YPEL1: variants seen among roughly 807,000 people sequenced by gnomAD.
The protein encoded by YPEL1 is protein yippee-like 1.
YPEL1 carries 7 observed loss-of-function variants against 17.3 expected under a neutral mutation model. The ratio of observed to expected loss-of-function variants is 0.40; its 90% CI spans 0.23 to 0.76. The LOEUF is 0.76. Ranked by LOEUF, YPEL1 falls within the 30% of genes least tolerant of loss-of-function variation. The probability of loss-of-function intolerance (pLI) is 0.35; values close to 1 mark genes in which losing one functional copy is unlikely to be tolerated. For missense variants in YPEL1, 91 were observed against 155.5 expected (o/e 0.59, Z 2.21); for synonymous variants, 59 against 59.6 (o/e 0.99, Z 0.05).
rs548417776 is a variant in YPEL1, at chr22:21,701,041, A to C, written c.*88T>G. On this transcript the variant is annotated 3_prime_UTR_variant, in exon 5 of 5. Transcript: ENST00000339468. ...AGCCTTTGAGGTCAGAGGGCAAGAA[A>C]GGCTGTCACCAGATGCTCCTACGTT... 5.7e-6 allele frequency: 7 copies of C among 1,225,438 alleles called. No individual in the cohort carries two copies. The Admixed American group carries it at 1.1e-4, about 19-fold the overall frequency. The allele number at this position is 1,225,438 out of a possible 1,614,324, so 75.9% of individuals were successfully genotyped here.
intron 1 of YPEL1, among the ~76,000 whole-genome samples, chr22:21,718,841 T>C (rs866181901): frequency 8.5e-5 from 13 of 152,134 alleles, no homozygotes; most frequent in South Asian, 2.1e-4. Flanking sequence ...TTCTCCAATA[T>C]TATGTTAAAG....
At chr22:21,709,262 C>T (rs182023185) in intron 2 of YPEL1, among the ~76,000 whole-genome samples, 2 of 152,292 alleles carry the variant, frequency 1.3e-5, no homozygotes, top group East Asian at 1.9e-4. Flanking sequence ...ACTAAGCCTA[C>T]CTCAGAAAAC....
chr22:21,712,280 AT>A (rs2068173895), intron 1 of YPEL1, among the ~76,000 whole-genome samples: 1 of 151,412 alleles, frequency 6.6e-6, no homozygotes, highest in Non-Finnish European at 1.5e-5. Flanking sequence ...TAAGGTGTTA[AT>A]ATCTAGAATA....
rs1294678091 is a variant in YPEL1 at position 21,698,071 on chromosome 22, AT to A, written c.*3057del. On this transcript the variant is annotated 3_prime_UTR_variant, in exon 5 of 5. Transcript: ENST00000339468. ...CTCCCAAGGCTCTCAAGGAAGATTT[AT>A]TTTAAATAACTTAAATAGAAGTCCT... The A allele has an allele frequency of 6.6e-6, 1 of 152,310 alleles. No homozygotes were observed. The highest frequency in any genetic ancestry group is 1.5e-5 in the Non-Finnish European group (1 of 68,032). The allele number at this position is 152,310 out of a possible 1,614,324, so 9.4% of individuals were successfully genotyped here.
At chr22:21,719,236 G>A (rs1225235404) in intron 1 of YPEL1, among the ~76,000 whole-genome samples, 4 of 152,190 alleles carry the variant, frequency 2.6e-5, no homozygotes, top group Non-Finnish European at 2.9e-5. Flanking sequence ...GCACGAGGAT[G>A]TCATGTGACA....
intron 1 of YPEL1, among the ~76,000 whole-genome samples, chr22:21,715,113 CATACAT>C (rs1366255768): frequency 2.6e-5 from 4 of 152,112 alleles, no homozygotes; most frequent in African/African-American, 7.2e-5. Context: ...CACACACACA[CATACAT>C]ATACATATAT....
rs369023233 is a variant in YPEL1, at chr22:21,710,792, C to T, written c.-48G>A. Reference sequence around the variant, plus strand: ...AGCTCAGGGCTGGTTCTGGAAGAACCGTGGCTCTGCTGGCCTCTCTGACAA... The same window carrying T: ...AGCTCAGGGCTGGTTCTGGAAGAACTGTGGCTCTGCTGGCCTCTCTGACAA... On this transcript the variant is annotated 5_prime_UTR_variant, in exon 2 of 5. Transcript: ENST00000339468. 17 of 1,540,002 alleles carry T rather than the reference C, an allele frequency of 1.1e-5. No individual in the cohort carries two copies. The highest frequency in any genetic ancestry group is 3.3e-5 in the Admixed American group (2 of 59,888).
At position 21,713,585 on chromosome 22, in the gene YPEL1, G is replaced by A. The variant is rs148778759; in HGVS notation, c.-164-2677C>T. 2.6e-5 allele frequency among the ~76,000 whole-genome samples: 4 copies of A among 152,286 alleles called. No individual in the cohort carries two copies. The East Asian group carries it at 7.7e-4, about 29-fold the overall frequency. On this transcript the variant is annotated intron_variant, in intron 1 of 4. Coordinates refer to ENST00000339468, the MANE Select transcript of YPEL1 (RefSeq NM_013313.5). ...GACAGAAAGAGCTGCCAGGGGCAGG[G>A]GAGTCCCCGCTTCATGGGTGCAGTG...
rs1414872556 is a variant in YPEL1, at chr22:21,732,800, A to AAAAC, written c.-165+2811_-165+2814dup. Among the ~76,000 whole-genome samples the AAAAC allele has an allele frequency of 3.9e-5, 6 of 151,974 alleles. No individual in the cohort carries two copies. In the East Asian group the frequency reaches 7.7e-4, roughly 20 times the overall value. ...TGTCTCAAAAATAACAACAACAACA[A>AAAAC]AAACAAACAAACAAACTGCAAGGTA... On this transcript the variant is annotated intron_variant, in intron 1 of 4. Transcript: ENST00000339468.
In YPEL1 at chr22:21,735,697, CCCGGCGCGGCCCGGGA is replaced by C. The variant is rs910073935; in HGVS notation, c.-263_-248del. The C allele has an allele frequency of 2.6e-5, 4 of 150,980 alleles. No individual in the cohort carries two copies. Among genetic ancestry groups the C allele is most frequent in the Non-Finnish European group, 4.4e-5 (3 of 67,632 alleles). The allele number at this position is 150,980 out of a possible 1,614,324, so 9.4% of individuals were successfully genotyped here. The stretch of plus-strand genomic sequence containing the variant: ...AGCGCGGGCTCGGCTCTCAGGCGTT[CCCGGCGCGGCCCGGGA>C]CGCGCTGAGGCCGTTAACGCCTAGG... On this transcript the variant is annotated 5_prime_UTR_variant, in exon 1 of 5. Coordinates refer to ENST00000339468, the MANE Select transcript of YPEL1 (RefSeq NM_013313.5).
chr22:21,724,558 TA>T (rs1457276875), intron 1 of YPEL1, among the ~76,000 whole-genome samples: 1 of 122,044 alleles, frequency 8.2e-6, no homozygotes, highest in Non-Finnish European at 1.7e-5. Context: ...AATAGTTCAT[TA>T]AAAAATTTTT....
chr22:21,726,647 CTG>C (rs1332631433), intron 1 of YPEL1, among the ~76,000 whole-genome samples: 2 of 152,206 alleles, frequency 1.3e-5, no homozygotes. Context: ...CATGCTGTAA[CTG>C]TTCTCTATTT....
Position 21,724,582 on chromosome 22 carries a change from T to G in YPEL1, c.-165+11033A>C, listed in dbSNP as rs556048030. Among the ~76,000 whole-genome samples, 94 of 151,866 alleles carry G rather than the reference T, an allele frequency of 6.2e-4. No homozygotes were observed. The East Asian group carries it at 0.012, about 20-fold the overall frequency. ...TTAAAAAATTTTTTTCTTTTTTTTT[T>G]TTTTTGTTTTTGTTTTGAGACAGGG... On this transcript the variant is annotated intron_variant, in intron 1 of 4. Transcript: ENST00000339468.
chr22:21,713,996 A>T (rs1281253830), intron 1 of YPEL1, among the ~76,000 whole-genome samples: 1 of 152,124 alleles, frequency 6.6e-6, no homozygotes, highest in Non-Finnish European at 1.5e-5. Flanking sequence ...AGAAGAGCCA[A>T]GCGCCAGCAG....
intron 1 of YPEL1, among the ~76,000 whole-genome samples, chr22:21,730,300 T>C (rs1205103611): frequency 2.0e-5 from 3 of 152,114 alleles, no homozygotes; most frequent in African/African-American, 7.2e-5. Flanking sequence ...CTTGGCTCAC[T>C]GCAGCCTCCG....
At chr22:21,712,597 G>A (rs1216649298) in intron 1 of YPEL1, among the ~76,000 whole-genome samples, 1 of 151,582 alleles carries the variant, frequency 6.6e-6, no homozygotes, top group African/African-American at 2.4e-5. Context: ...GTGGTGGCGG[G>A]TGCTTGTAGT....
At chr22:21,720,161 G>C (rs2148609422) in intron 1 of YPEL1, among the ~76,000 whole-genome samples, 1 of 142,496 alleles carries the variant, frequency 7.0e-6, no homozygotes, top group East Asian at 2.2e-4. Context: ...CTGGGTGACA[G>C]AGCGAGACTC....
Position 21,703,400 on chromosome 22 carries a change from C to T in YPEL1, c.240G>A (p.Glu80=), listed in dbSNP as rs140503337. 8.4e-5 allele frequency: 136 copies of T among 1,613,616 alleles called. No individual in the cohort carries two copies. In the African/African-American group the frequency reaches 1.7e-3, roughly 20 times the overall value. ...GLHAVADIYC[E]NCKTTLGWKY... is the part of the protein sequence containing the mutation. ...TCCACCCGAGCGTGGTCTTGCAGTT[C>T]TCGCAGTAGATGTCGGCAACCGCAT... Residue 80 remains glutamate, a synonymous_variant, in exon 4 of 5, where the codon GAG becomes GAA. Transcript: ENST00000339468. The surrounding 1 kb of genome is among the most constrained non-coding windows in gnomAD (Gnocchi z 6.1).
intron 1 of YPEL1, among the ~76,000 whole-genome samples, chr22:21,735,317 C>T (rs906767936): frequency 6.6e-6 from 1 of 151,926 alleles, no homozygotes; most frequent in African/African-American, 2.4e-5. Flanking sequence ...GGATCTTGTC[C>T]ATTTTCCCTA....
Sources: gnomAD v4.1 joint callset for allele counts (sites outside exome capture counted in the v4.1 genomes callset) on GRCh38, gnomAD v4.1.1 for gene constraint, Gnocchi (gnomAD v3.1) non-coding constraint, MANE v1.5 for transcripts, NCBI Gene and HGNC (gene_info 2026-07-23, HGNC 2026-07-21) for gene names.